Variants in SLC12A4 observed in about 807,000 individuals in gnomAD.
The protein encoded by SLC12A4 is electroneutral potassium-chloride cotransporter 1.
SLC12A4 carries 84 observed loss-of-function variants against 119.2 expected under a neutral mutation model. That is an observed-to-expected ratio of 0.70 (90% CI 0.59 to 0.85). The LOEUF (loss-of-function observed/expected upper bound fraction) is 0.85. SLC12A4 is among the 40% of genes least tolerant of loss of function. The pLI, the probability that SLC12A4 is intolerant of heterozygous loss-of-function variation, is 0.00. For synonymous variants in SLC12A4, 599 were observed against 604.6 expected (o/e 0.99, Z 0.14); for missense variants, 1,298 against 1,476.3 (o/e 0.88, Z 1.98).
Position 67,950,263 on chromosome 16 carries a change from C to T in SLC12A4, c.1629+56G>A, listed in dbSNP as rs1261261211. The T allele has an allele frequency of 1.9e-6, 3 of 1,579,750 alleles. No homozygotes were observed. The highest frequency in any genetic ancestry group is 2.6e-6 in the Non-Finnish European group (3 of 1,160,266). On this transcript the variant is annotated intron_variant, in intron 12 of 23. Transcript: ENST00000316341. This position sits in a 1 kb window ranked among gnomAD's most constrained non-coding sequence, Gnocchi z 4.3. ...CATCTGTGTTCCCTATCTCTCTCCC[C>T]AGCCGGGCGAGGGCCTGGGAGCAGC...
chr16:67,963,987 T>C (rs2030733528), intron 1 of SLC12A4: 1 of 1,551,204 alleles, frequency 6.4e-7, no homozygotes, highest in Admixed American at 2.0e-5. Flanking sequence ...GGCAGTGCCC[T>C]CCAGATAGAC....
At chr16:67,968,061 G>A (rs2030938590) in intron 1 of SLC12A4, among the ~76,000 whole-genome samples, 1 of 152,188 alleles carries the variant, frequency 6.6e-6, no homozygotes, top group African/African-American at 2.4e-5. Flanking sequence ...GAGGAACCGA[G>A]GCGAGAAAAG....
At position 67,948,169 on chromosome 16, in the gene SLC12A4, A is replaced by G; in HGVS notation, c.1749-10T>C. ...GCACATCAGAAAGAACCTGCGGCAC[A>G]GAGGGCGGTTGGCGAAGAGCAGCCT... On this transcript the variant is annotated splice_polypyrimidine_tract_variant and intron_variant, in intron 13 of 23. Coordinates refer to ENST00000316341, the MANE Select transcript of SLC12A4 (RefSeq NM_005072.5). 4 of 1,612,946 alleles carry G rather than the reference A, an allele frequency of 2.5e-6. No homozygotes were observed. The highest frequency in any genetic ancestry group is 3.4e-6 in the Non-Finnish European group (4 of 1,179,812).
rs946682218 is a variant in SLC12A4 at position 67,943,650 on chromosome 16, C to T, written c.*1190G>A. ...CAAGGAAGGAGTGGTGGGGCTTGGC[C>T]CAGAGTCTGGTGTGGCTGTGACTGA... On this transcript the variant is annotated 3_prime_UTR_variant, in exon 24 of 24. Transcript: ENST00000316341. This position sits in a 1 kb window ranked among gnomAD's most constrained non-coding sequence, Gnocchi z 4.6. 1.1e-5 allele frequency: 6 copies of T among 529,658 alleles called. No homozygotes were observed. Among genetic ancestry groups the T allele is most frequent in the Non-Finnish European group, 2.0e-5 (6 of 294,434 alleles). 32.8% of individuals were successfully genotyped at this position (529,658 alleles called of 1,614,324 possible).
At chr16:67,947,302 G>A (rs369945872) in intron 16 of SLC12A4, 29 bp downstream of exon 16, 85 of 1,600,912 alleles carry the variant, frequency 5.3e-5, no homozygotes, top group Non-Finnish European at 6.6e-5. Flanking sequence ...GAACCTCTGC[G>A]CCCTGGCCAG....
intron 1 of SLC12A4, chr16:67,964,179 C>A: frequency 7.6e-7 from 1 of 1,309,758 alleles, no homozygotes; most frequent in Non-Finnish European, 1.0e-6. Flanking sequence ...CTAAGAAAGT[C>A]GGACGGGTGG....
Position 67,954,085 on chromosome 16 carries a change from G to T in SLC12A4, c.675+558C>A, listed in dbSNP as rs141679180. On this transcript the variant is annotated intron_variant, in intron 6 of 23. Coordinates refer to ENST00000316341, the MANE Select transcript of SLC12A4 (RefSeq NM_005072.5). ...CAGGGGCGGGCACCTGTCACCCCAT[G>T]CCTCCCGCAGCTCCTTGCCTCTTCT... 21 of 361,730 alleles carry T rather than the reference G, an allele frequency of 5.8e-5. No homozygotes were observed. In the East Asian group the frequency reaches 2.3e-3, roughly 39 times the overall value. 22.4% of individuals were successfully genotyped at this position (361,730 alleles called of 1,614,324 possible).
chr16:67,963,867 A>C, intron 1 of SLC12A4: 1 of 1,525,834 alleles, frequency 6.6e-7, no homozygotes, highest in Admixed American at 2.0e-5. Flanking sequence ...GGGCGGGGCC[A>C]GCGTTTGACC....
chr16:67,951,976 C>G lies in SLC12A4; in HGVS notation c.979G>C (p.Ala327Pro). ...RDQFDICAKT[A>P]VVDNETVATQ... ...GCCACTGTCTCATTGTCCACTACAG[C>G]TGTCTTGGCACAGATGTCAAACTGG... The change falls in exon 8 of 24, where the codon GCT (alanine) becomes CCT (proline). Residue 327 changes from alanine (A) to proline (P), a missense_variant. Transcript: ENST00000316341. This position sits in a 1 kb window ranked among gnomAD's most constrained non-coding sequence, Gnocchi z 5.2. 1 of 1,614,134 alleles carries G rather than the reference C, an allele frequency of 6.2e-7. No individual in the cohort carries two copies. The highest frequency in any genetic ancestry group is 8.5e-7 in the Non-Finnish European group (1 of 1,180,046).
chr16:67,950,431 A>C lies in SLC12A4; in HGVS notation c.1517T>G (p.Val506Gly), dbSNP rs1481733709. Residue 506 changes from valine (V) to glycine (G), a missense_variant, in exon 12 of 24, where the codon GTC becomes GGC. Transcript: ENST00000316341. This position sits in a 1 kb window ranked among gnomAD's most constrained non-coding sequence, Gnocchi z 4.3. The stretch of plus-strand genomic sequence containing the variant: ...TGAAAAGAAGGAGCCGATGACGATG[A>C]CCCAGGGTGAAGGCCAGGCCAGTGT... ...VGTLAWPSPW[V>G]IVIGSFFSTC... is the part of the protein sequence containing the mutation. The C allele has an allele frequency of 4.3e-6, 7 of 1,613,938 alleles. No homozygotes were observed. Among genetic ancestry groups the C allele is most frequent in the Non-Finnish European group, 5.9e-6 (7 of 1,180,012 alleles).
rs1322287352 is a variant in SLC12A4 at position 67,947,162 on chromosome 16, C to T, written c.2073-57G>A. On this transcript the variant is annotated intron_variant, in intron 16 of 23. Coordinates refer to ENST00000316341, the MANE Select transcript of SLC12A4 (RefSeq NM_005072.5). ...CAGGGCCGGCCGTTCTAGGGAGCCCCTCCTCTTCTTCCCTTCTCGGGTCGT... is the reference window on the plus strand; with the variant it reads ...CAGGGCCGGCCGTTCTAGGGAGCCCTTCCTCTTCTTCCCTTCTCGGGTCGT... 3.3e-6 allele frequency: 5 copies of T among 1,536,402 alleles called. No individual in the cohort carries two copies. The East Asian group carries it at 7.3e-5, about 23-fold the overall frequency.
rs757424509 is a variant in SLC12A4 at position 67,947,025 on chromosome 16, A to G, written c.2153T>C (p.Leu718Pro). The change falls in exon 17 of 24, where the codon CTC becomes CCC. Residue 718 changes from leucine to proline, a missense_variant. Transcript: ENST00000316341. Reference sequence around the variant, plus strand: ...AATGGTCAGGCCCTTGCCAGCCTTGAGCTGGGAGGCGAAGGTGAGGAGCCG... The same window carrying G: ...AATGGTCAGGCCCTTGCCAGCCTTGGGCTGGGAGGCGAAGGTGAGGAGCCG... ...YPRLLTFASQ[L>P]KAGKGLTIVG... The G allele has an allele frequency of 1.2e-6, 2 of 1,613,084 alleles. No homozygotes were observed. Among genetic ancestry groups the G allele is most frequent in the Non-Finnish European group, 1.7e-6 (2 of 1,180,004 alleles).
chr16:67,957,736 A>C lies in SLC12A4; in HGVS notation c.544+6T>G, dbSNP rs1211307299. 6.2e-7 allele frequency: 1 copy of C among 1,612,978 alleles called. No individual in the cohort carries two copies. Among genetic ancestry groups the C allele is most frequent in the South Asian group, 1.1e-5 (1 of 91,000 alleles). On this transcript the variant is annotated splice_donor_region_variant and intron_variant, in intron 5 of 23. Coordinates refer to ENST00000316341, the MANE Select transcript of SLC12A4 (RefSeq NM_005072.5). ...TTCCACCAGGCCTTGGGTGGCGCTCACTGACCTGGAACCACACCGTTGGTG... is the reference window on the plus strand; with the variant it reads ...TTCCACCAGGCCTTGGGTGGCGCTCCCTGACCTGGAACCACACCGTTGGTG...
At position 67,966,673 on chromosome 16, in the gene SLC12A4, G is replaced by C. The variant is rs1021261248; in HGVS notation, c.115+1766C>G. The stretch of plus-strand genomic sequence containing the variant: ...GTGTGGGCACTGAACTGGGGAAGGG[G>C]CAGGAGATAGATCTGAGGCTCACTG... On this transcript the variant is annotated intron_variant, in intron 1 of 23. Transcript: ENST00000316341. 3.3e-6 allele frequency: 5 copies of C among 1,520,072 alleles called. No homozygotes were observed. The Admixed American group carries it at 5.9e-5, about 18-fold the overall frequency. 94.2% of individuals were successfully genotyped at this position (1,520,072 alleles called of 1,614,324 possible). A position where few individuals can be genotyped will look rare whatever the true frequency, so the allele number is the denominator to read the frequency against.
intron 5 of SLC12A4, among the ~76,000 whole-genome samples, chr16:67,956,196 G>A (rs2030252564): frequency 6.6e-6 from 1 of 151,836 alleles, no homozygotes; most frequent in Non-Finnish European, 1.5e-5. Flanking sequence ...ATAAATAAAC[G>A]AAAAGTCAAT....
In SLC12A4 at chr16:67,950,329, G is replaced by A. The variant is rs369969915; in HGVS notation, c.1619C>T (p.Pro540Leu). The A allele has an allele frequency of 2.5e-6, 4 of 1,613,832 alleles. No individual in the cohort carries two copies. The highest frequency in any genetic ancestry group is 2.5e-6 in the Non-Finnish European group (3 of 1,179,976). Residue 540 changes from proline (P) to leucine (L), a missense_variant, in exon 12 of 24, where the codon CCC becomes CTC. Transcript: ENST00000316341. This position sits in a 1 kb window ranked among gnomAD's most constrained non-coding sequence, Gnocchi z 4.3. The part of the protein sequence containing the change: ...LQAIAKDNII[P>L]FLRVFGHGKV... ...TGCAGAGGGGCTCACCCGGAGGAAG[G>A]GGATGATGTTGTCCTTGGCAATGGC...
intron 3 of SLC12A4, among the ~76,000 whole-genome samples, chr16:67,959,133 T>A (rs1792009742): frequency 6.6e-6 from 1 of 152,016 alleles, no homozygotes; most frequent in South Asian, 2.1e-4. Context: ...GTAGGGCAGG[T>A]GAGGAAGATC....
chr16:67,959,947 GC>G (rs2030475998), intron 3 of SLC12A4, among the ~76,000 whole-genome samples: 1 of 152,344 alleles, frequency 6.6e-6, no homozygotes, highest in South Asian at 2.1e-4. Context: ...CAGCTCAGCA[GC>G]CCCAGATCCC....
chr16:67,950,297 G>C lies in SLC12A4; in HGVS notation c.1629+22C>G. On this transcript the variant is annotated intron_variant, in intron 12 of 23. Coordinates refer to ENST00000316341, the MANE Select transcript of SLC12A4 (RefSeq NM_005072.5). This position sits in a 1 kb window ranked among gnomAD's most constrained non-coding sequence, Gnocchi z 4.3. ...GAGGGCCTGGGAGCAGCCAGGCCATGGGGGAGTGCAGAGGGGCTCACCCGG... is the reference window on the plus strand; with the variant it reads ...GAGGGCCTGGGAGCAGCCAGGCCATCGGGGAGTGCAGAGGGGCTCACCCGG... The C allele has an allele frequency of 1.2e-6, 2 of 1,610,400 alleles. No homozygotes were observed. Among genetic ancestry groups the C allele is most frequent in the Non-Finnish European group, 1.7e-6 (2 of 1,177,996 alleles).
Sources: allele counts gnomAD v4.1 joint callset (sites outside exome capture counted in the v4.1 genomes callset), GRCh38; gene constraint gnomAD v4.1.1; non-coding constraint Gnocchi (gnomAD v3.1); transcripts MANE v1.5; gene names NCBI Gene and HGNC (gene_info 2026-07-23, HGNC 2026-07-21).